Variants in SELENOP observed in about 807,000 individuals in gnomAD.
The protein encoded by SELENOP is selenoprotein P.
A neutral mutation model predicts 41.0 loss-of-function variants in SELENOP; 36 were observed. The ratio of observed to expected loss-of-function variants is 0.88; its 90% CI spans 0.67 to 1.16. SELENOP has a LOEUF of 1.16. SELENOP is among the 50% of genes most tolerant of loss of function. SELENOP has a pLI of 0.00. For missense variants in SELENOP, 440 were observed against 454.2 expected (o/e 0.97, Z 0.28); for synonymous variants, 144 against 150.8 (o/e 0.95, Z 0.33).
chr5:42,801,020 TATAC>T lies in SELENOP; in HGVS notation c.842_845del (p.Cys281Ter), dbSNP rs770939280. ...TGGGCAATTTACAGAGTAATTGATT[TATAC>T]ATCTCTTTCGACAGAGCTTCTTTTG... On this transcript the variant is annotated frameshift_variant, in exon 5 of 5. Coordinates refer to ENST00000514985, the MANE Select transcript of SELENOP (RefSeq NM_005410.4). LOFTEE classifies it high-confidence loss of function. 92 of 1,614,124 alleles carry T rather than the reference TATAC, an allele frequency of 5.7e-5. No homozygotes were observed. The highest frequency in any genetic ancestry group is 7.5e-5 in the Non-Finnish European group (89 of 1,180,048).
intron 4 of SELENOP, among the ~76,000 whole-genome samples, chr5:42,804,262 C>T (rs1375633540): frequency 6.6e-6 from 1 of 152,170 alleles, no homozygotes; most frequent in African/African-American, 2.4e-5. Flanking sequence ...GAGATCGAGA[C>T]CATCCTGGCT....
chr5:42,801,402 T>C (rs1760199330), intron 4 of SELENOP, 71 bp from the exon 5 acceptor site: 1 of 1,174,408 alleles, frequency 8.5e-7, no homozygotes, highest in Non-Finnish European at 1.2e-6. Flanking sequence ...AAATGATTTG[T>C]AGAGCTAACA....
chr5:42,801,227 A>G lies in SELENOP; in HGVS notation c.639T>C (p.His213=), dbSNP rs747209835. Reference sequence around the variant, plus strand: ...CACTGCTGCCAAGGTGCTGATGTCCATGATTGTGATGATGCTCATGATGGT... The same window carrying G: ...CACTGCTGCCAAGGTGCTGATGTCCGTGATTGTGATGATGCTCATGATGGT... ...PHYHHEHHHN[H]GHQHLGSSEL... Residue 213 remains histidine, a synonymous_variant, in exon 5 of 5, where the codon CAT becomes CAC. Transcript: ENST00000514985. 1.9e-6 allele frequency: 3 copies of G among 1,614,156 alleles called. No homozygotes were observed. Among genetic ancestry groups the G allele is most frequent in the Non-Finnish European group, 8.5e-7 (1 of 1,180,032 alleles).
intron 2 of SELENOP, 136 bp from the exon 3 acceptor site, chr5:42,807,244 T>C: frequency 2.1e-6 from 1 of 482,834 alleles, no homozygotes; most frequent in East Asian, 2.9e-5. Flanking sequence ...ACCTATTCTT[T>C]ATATTGCTGT....
At chr5:42,803,383 G>T (rs1294139906) in intron 4 of SELENOP, among the ~76,000 whole-genome samples, 9 of 151,990 alleles carry the variant, frequency 5.9e-5, no homozygotes. Flanking sequence ...ATTACTCTTA[G>T]TATTTTCTTC....
intron 4 of SELENOP, among the ~76,000 whole-genome samples, 164 bp downstream of exon 4, chr5:42,804,492 A>G (rs1760287021): frequency 6.6e-6 from 1 of 152,064 alleles, no homozygotes; most frequent in Non-Finnish European, 1.5e-5. Flanking sequence ...AAATAAATAA[A>G]TAAAGTAGAG....
At position 42,808,362 on chromosome 5, in the gene SELENOP, T is replaced by A; in HGVS notation, c.-9A>T. 1 of 1,343,708 alleles carries A rather than the reference T, an allele frequency of 7.4e-7. No individual in the cohort carries two copies. The highest frequency in any genetic ancestry group is 9.7e-7 in the Non-Finnish European group (1 of 1,033,928). The allele number at this position is 1,343,708 out of a possible 1,614,324, so 83.2% of individuals were successfully genotyped here. A position where few individuals can be genotyped will look rare whatever the true frequency, so the allele number is the denominator to read the frequency against. Reference sequence around the variant, plus strand: ...CCCAGGCTTCTCCACATTGCTGGGGTTGTCCTGTAAAAGAGAAAACCTGTC... The same window carrying A: ...CCCAGGCTTCTCCACATTGCTGGGGATGTCCTGTAAAAGAGAAAACCTGTC... On this transcript the variant is annotated 5_prime_UTR_variant, in exon 2 of 5. Coordinates refer to ENST00000514985, the MANE Select transcript of SELENOP (RefSeq NM_005410.4).
At chr5:42,803,011 G>A (rs1240738758) in intron 4 of SELENOP, among the ~76,000 whole-genome samples, 1 of 152,086 alleles carries the variant, frequency 6.6e-6, no homozygotes, top group African/African-American at 2.4e-5. Flanking sequence ...CATACTGTTG[G>A]TGGTGGTTTC....
chr5:42,806,830 A>G, intron 3 of SELENOP, 66 bp downstream of exon 3: 1 of 832,302 alleles, frequency 1.2e-6, no homozygotes, highest in South Asian at 1.9e-5. Context: ...GTGTGATGGG[A>G]AGTAAATAAA....
chr5:42,802,130 T>C (rs1379380787), intron 4 of SELENOP: 1 of 152,194 alleles, frequency 6.6e-6, no homozygotes, highest in Non-Finnish European at 1.5e-5. Flanking sequence ...GCTTTGCTAA[T>C]GTCTCCCTAC....
At position 42,808,724 on chromosome 5, in the gene SELENOP, C is replaced by T. The variant is rs189971487; in HGVS notation, c.-13-358G>A. Among the ~76,000 whole-genome samples, 176 of 148,666 alleles carry T rather than the reference C, an allele frequency of 1.2e-3. 1 individual carries two copies. Among genetic ancestry groups the T allele is most frequent in the Middle Eastern group, 3.5e-3 (1 of 284 alleles). ...GAGATCGAGACCATCCTGGCTAACA[C>T]GGTGAAACCCCTTCTCTACTAAAAT... On this transcript the variant is annotated intron_variant, in intron 1 of 4. Coordinates refer to ENST00000514985, the MANE Select transcript of SELENOP (RefSeq NM_005410.4).
At chr5:42,801,437 G>A (rs1254246179) in intron 4 of SELENOP, 106 bp from the exon 5 acceptor site, 1 of 813,196 alleles carries the variant, frequency 1.2e-6, no homozygotes, top group Non-Finnish European at 1.9e-6. Context: ...TAGTTAATTA[G>A]AATCGAGCTG....
At chr5:42,809,146 C>G (rs937779941) in intron 1 of SELENOP, among the ~76,000 whole-genome samples, 2 of 152,128 alleles carry the variant, frequency 1.3e-5, no homozygotes, top group African/African-American at 4.8e-5. Flanking sequence ...TCCTTGAAGT[C>G]TGGCTGTATG....
chr5:42,800,513 C>G lies in SELENOP; in HGVS notation c.*207G>C. 1.8e-6 allele frequency: 1 copy of G among 557,020 alleles called. No homozygotes were observed. The highest frequency in any genetic ancestry group is 3.0e-6 in the Non-Finnish European group (1 of 333,056). 34.5% of individuals were successfully genotyped at this position (557,020 alleles called of 1,614,324 possible). A position where few individuals can be genotyped will look rare whatever the true frequency, so the allele number is the denominator to read the frequency against. ...CATATTAACCAAAAGCTGCAATCACCTTTCAGTTGCTCCATCATAAAAAAT... is the reference window on the plus strand; with the variant it reads ...CATATTAACCAAAAGCTGCAATCACGTTTCAGTTGCTCCATCATAAAAAAT... On this transcript the variant is annotated 3_prime_UTR_variant, in exon 5 of 5. Transcript: ENST00000514985.
intron 1 of SELENOP, among the ~76,000 whole-genome samples, chr5:42,809,275 T>C (rs1471293177): frequency 6.6e-6 from 1 of 152,216 alleles, no homozygotes. Context: ...TTCCTATGAC[T>C]AGACAGCACT....
At chr5:42,801,512 G>A in intron 4 of SELENOP, 181 bp from the exon 5 acceptor site, 1 of 533,026 alleles carries the variant, frequency 1.9e-6, no homozygotes, top group Non-Finnish European at 3.2e-6. Context: ...TTTTATTAAA[G>A]GCTTAAAAAG....
chr5:42,800,073 A>G lies in SELENOP; in HGVS notation c.*647T>C, dbSNP rs994474275. On this transcript the variant is annotated 3_prime_UTR_variant, in exon 5 of 5. Transcript: ENST00000514985. ...GACAGACAATATTATCTTTCCCCTT[A>G]TATCTTTTAAGACAGCCACTCAAGT... The G allele has an allele frequency of 7.9e-5, 21 of 265,662 alleles. No individual in the cohort carries two copies. Among genetic ancestry groups the G allele is most frequent in the African/African-American group, 4.5e-4 (20 of 44,384 alleles). 16.5% of individuals were successfully genotyped at this position (265,662 alleles called of 1,614,324 possible).
rs776331956 is a variant in SELENOP, at chr5:42,806,931, TA to T, written c.380del (p.Leu127Ter). On this transcript the variant is annotated frameshift_variant, in exon 3 of 5. Coordinates refer to ENST00000514985, the MANE Select transcript of SELENOP (RefSeq NM_005410.4). LOFTEE classifies it high-confidence loss of function. ...TGAGGAAGTCATCTTTGCTTCCATT[TA>T]AAAGAGTCCAGACATCTGTTTGGTT... ...EENQTDVWTL[L>X]NGSKDDFLIY... The T allele has an allele frequency of 6.2e-7, 1 of 1,611,178 alleles. No homozygotes were observed. Among genetic ancestry groups the T allele is most frequent in the South Asian group, 1.1e-5 (1 of 90,800 alleles).
chr5:42,804,122 C>T (rs1280341810), intron 4 of SELENOP, among the ~76,000 whole-genome samples: 2 of 152,180 alleles, frequency 1.3e-5, no homozygotes, highest in Admixed American at 1.3e-4. Context: ...ATTTCTAAAG[C>T]TCTTCTAGAT....
Sources: allele counts gnomAD v4.1 joint callset (sites outside exome capture counted in the v4.1 genomes callset), GRCh38; gene constraint gnomAD v4.1.1; transcripts MANE v1.5; gene names NCBI Gene and HGNC (gene_info 2026-07-23, HGNC 2026-07-21).